The following ST3GAL3 variants were observed in gnomAD, a reference collection of about 807,000 sequenced individuals.
ST3GAL3 encodes the protein ST3 beta-galactoside alpha-2,3-sialyltransferase 3, also known as CMP-N-acetylneuraminate-beta-1,4-galactoside alpha-2,3-sialyltransferase.
ST3GAL3 carries 21 observed loss-of-function variants against 50.1 expected under a neutral mutation model. That is an observed-to-expected ratio of 0.42 (90% CI 0.30 to 0.60). The LOEUF is 0.60. ST3GAL3 is among the 20% of genes least tolerant of loss of function. ST3GAL3 has a pLI of 0.19. For synonymous variants in ST3GAL3, 183 were observed against 190.0 expected (o/e 0.96, Z 0.30); for missense variants, 353 against 489.4 (o/e 0.72, Z 2.63).
At chr1:43,831,734 G>A (rs1359205915) in intron 4 of ST3GAL3, 3 of 152,228 alleles carry the variant, frequency 2.0e-5, no homozygotes, top group Non-Finnish European at 4.4e-5. Flanking sequence ...CTCAAAGATG[G>A]GACTGCTTTG....
In ST3GAL3 at chr1:43,845,899, G is replaced by A. The variant is rs566047296; in HGVS notation, c.302+7588G>A. On this transcript the variant is annotated intron_variant, in intron 5 of 11. Transcript: ENST00000347631. Reference sequence around the variant, plus strand: ...TCGTGATTTCTACTTCGGCCTATTAGTTCTTTGGAAGTGTTTTTGCTTAAT... The same window carrying A: ...TCGTGATTTCTACTTCGGCCTATTAATTCTTTGGAAGTGTTTTTGCTTAAT... 1.6e-4 allele frequency among the ~76,000 whole-genome samples: 24 copies of A among 152,060 alleles called. 1 individual carries two copies. The highest frequency in any genetic ancestry group is 3.2e-4 in the Non-Finnish European group (22 of 67,996).
chr1:43,858,759 C>G (rs1382604145), intron 5 of ST3GAL3, among the ~76,000 whole-genome samples: 1 of 152,178 alleles, frequency 6.6e-6, no homozygotes, highest in African/African-American at 2.4e-5. Context: ...CCTGCTTTCC[C>G]TACTCTGTCT....
At chr1:43,729,588 C>T (rs1266925618) in intron 1 of ST3GAL3, among the ~76,000 whole-genome samples, 8 of 152,166 alleles carry the variant, frequency 5.3e-5, no homozygotes, top group Non-Finnish European at 1.2e-4. Context: ...ACTAATGTCC[C>T]TCTCTCCCCT....
At chr1:43,894,309 C>T (rs1009035730) in intron 5 of ST3GAL3, 74 bp from the exon 6 acceptor site, 171 of 1,452,806 alleles carry the variant, frequency 1.2e-4, no homozygotes, top group Non-Finnish European at 1.5e-4. Flanking sequence ...TTGCCAAGAC[C>T]GACGTACGGA....
chr1:43,927,745 C>T (rs1261335975), intron 11 of ST3GAL3, among the ~76,000 whole-genome samples: 4 of 152,152 alleles, frequency 2.6e-5, no homozygotes, highest in African/African-American at 4.8e-5. Context: ...GGGGATGAGT[C>T]GCCCAGGGAT....
intron 11 of ST3GAL3, among the ~76,000 whole-genome samples, chr1:43,923,263 C>CA (rs35151641): frequency 0.032 from 3,851 of 120,252 alleles, 191 homozygotes; most frequent in African/African-American, 0.11. Flanking sequence ...GACCCTGTCT[C>CA]AAAAAAAAAA....
chr1:43,878,068 G>A (rs2074421615), intron 5 of ST3GAL3, among the ~76,000 whole-genome samples: 2 of 152,160 alleles, frequency 1.3e-5, no homozygotes, highest in Admixed American at 1.3e-4. Flanking sequence ...TAGCAGGGCT[G>A]GGCTCCCTCC....
intron 4 of ST3GAL3, among the ~76,000 whole-genome samples, chr1:43,818,370 A>G (rs767318468): frequency 6.6e-6 from 1 of 152,232 alleles, no homozygotes; most frequent in African/African-American, 2.4e-5. Context: ...CAGAGTTCTC[A>G]TCACTCAGGT....
In ST3GAL3 at chr1:43,855,822, A is replaced by C. The variant is rs573882105; in HGVS notation, c.302+17511A>C. Among the ~76,000 whole-genome samples the C allele has an allele frequency of 2.5e-5, 3 of 119,008 alleles. No homozygotes were observed. In the East Asian group the frequency reaches 7.6e-4, roughly 30 times the overall value. 78.1% of individuals were successfully genotyped at this position (119,008 alleles called of 152,430 possible). A position where few individuals can be genotyped will look rare whatever the true frequency, so the allele number is the denominator to read the frequency against. ...TAAACATAAAAACATTACAGAACATAGGCCACTTTACACAATGAAACGGGC... is the reference window on the plus strand; with the variant it reads ...TAAACATAAAAACATTACAGAACATCGGCCACTTTACACAATGAAACGGGC... On this transcript the variant is annotated intron_variant, in intron 5 of 11. Coordinates refer to ENST00000347631, the MANE Select transcript of ST3GAL3 (RefSeq NM_006279.5).
At chr1:43,805,927 G>T (rs375845951) in intron 3 of ST3GAL3, among the ~76,000 whole-genome samples, 1 of 152,074 alleles carries the variant, frequency 6.6e-6, no homozygotes, top group Non-Finnish European at 1.5e-5. Flanking sequence ...GTAGAAACGG[G>T]GTTTCACCGT....
At chr1:43,788,453 C>T (rs1453175833) in intron 2 of ST3GAL3, among the ~76,000 whole-genome samples, 2 of 152,144 alleles carry the variant, frequency 1.3e-5, no homozygotes, top group Non-Finnish European at 2.9e-5. Flanking sequence ...TCTTAGGATG[C>T]TTTTCTTATT....
Position 43,765,394 on chromosome 1 carries a change from A to G in ST3GAL3, c.119-26708A>G, listed in dbSNP as rs1172710986. Among the ~76,000 whole-genome samples the G allele has an allele frequency of 2.0e-5, 3 of 152,140 alleles. No individual in the cohort carries two copies. In the East Asian group the frequency reaches 5.8e-4, roughly 29 times the overall value. ...CTTCCCTGCAGCGCACGTTCCACAG[A>G]TCAGTACTCAGTCGTGTGGTCCCAC... is the stretch of plus-strand genomic sequence containing the variant. On this transcript the variant is annotated intron_variant, in intron 2 of 11. Coordinates refer to ENST00000347631, the MANE Select transcript of ST3GAL3 (RefSeq NM_006279.5).
chr1:43,743,076 G>A (rs1434005151), intron 2 of ST3GAL3, among the ~76,000 whole-genome samples: 3 of 122,962 alleles, frequency 2.4e-5, no homozygotes, highest in Admixed American at 1.8e-4. Context: ...GTGACAGAGC[G>A]AGACTCCGTC....
At chr1:43,731,378 ATTTTTTTTTTTT>A (rs4019073) in intron 1 of ST3GAL3, among the ~76,000 whole-genome samples, 1 of 69,854 alleles carries the variant, frequency 1.4e-5, no homozygotes, top group East Asian at 4.5e-4. Context: ...CACCCAGCTA[ATTTTTTTTTTTT>A]TTTTTTTTTT....
chr1:43,895,834 G>A (rs16831381), intron 6 of ST3GAL3, among the ~76,000 whole-genome samples: 6,801 of 152,222 alleles, frequency 0.045, 183 homozygotes, highest in East Asian at 0.13. Context: ...AGACTCAGAT[G>A]GGATAGCTAC....
At chr1:43,770,434 G>A (rs551079321) in intron 2 of ST3GAL3, among the ~76,000 whole-genome samples, 1 of 152,158 alleles carries the variant, frequency 6.6e-6, no homozygotes, top group African/African-American at 2.4e-5. Flanking sequence ...GACTTGTTGA[G>A]ATGGGACTAG....
intron 2 of ST3GAL3, among the ~76,000 whole-genome samples, chr1:43,747,460 G>A (rs1684227530): frequency 6.6e-6 from 1 of 152,020 alleles, no homozygotes; most frequent in South Asian, 2.1e-4. Context: ...GAAGGATGGG[G>A]AAACGGGCCC....
intron 2 of ST3GAL3, among the ~76,000 whole-genome samples, chr1:43,754,128 A>C (rs1389144393): frequency 6.6e-6 from 1 of 152,230 alleles, no homozygotes. Context: ...TGTTGTGCTA[A>C]GACAGAAAAA....
Position 43,899,369 on chromosome 1 carries a change from A to G in ST3GAL3, c.557+106A>G. 2 of 1,600,496 alleles carry G rather than the reference A, an allele frequency of 1.2e-6. No homozygotes were observed. Among genetic ancestry groups the G allele is most frequent in the Non-Finnish European group, 1.7e-6 (2 of 1,173,246 alleles). ...GGCTAGTTGGGCTGGAGGTCAACGG[A>G]AGCCTCAAGAACTCTGGGTTGGAGG... On this transcript the variant is annotated intron_variant, in intron 8 of 11. Coordinates refer to ENST00000347631, the MANE Select transcript of ST3GAL3 (RefSeq NM_006279.5). This position sits in a 1 kb window ranked among gnomAD's most constrained non-coding sequence, Gnocchi z 5.4.
Sources: allele counts gnomAD v4.1 joint callset (sites outside exome capture counted in the v4.1 genomes callset), GRCh38; gene constraint gnomAD v4.1.1; non-coding constraint Gnocchi (gnomAD v3.1); transcripts MANE v1.5; gene names NCBI Gene and HGNC (gene_info 2026-07-23, HGNC 2026-07-21).